Variants in RIMBP2 observed in about 807,000 individuals in gnomAD.
RIMBP2 encodes RIMS binding protein 2.
A neutral mutation model predicts 118.6 loss-of-function variants in RIMBP2; 48 were observed. That is an observed-to-expected ratio of 0.40 (90% confidence interval 0.32 to 0.51). The LOEUF (loss-of-function observed/expected upper bound fraction) is 0.51. Among genes scored for constraint, RIMBP2 ranks in the 20% least tolerant of loss-of-function variants. RIMBP2 has a pLI of 0.41. For synonymous variants in RIMBP2, 762 were observed against 742.9 expected, an observed-to-expected ratio of 1.03 and a Z score of -0.42; for missense variants, 1,551 against 1,768.3, an observed-to-expected ratio of 0.88 and a Z score of 2.20.
intron 2 of RIMBP2, among the ~76,000 whole-genome samples, chr12:130,539,088 T>A (rs554004539): frequency 6.6e-6 from 1 of 152,302 alleles, no homozygotes; most frequent in East Asian, 1.9e-4. Context: ...CCCTTTTAAA[T>A]AAAGTTTTAT....
chr12:130,692,248 C>T (rs1396813825), intron 1 of RIMBP2, among the ~76,000 whole-genome samples: 3 of 152,104 alleles, frequency 2.0e-5, no homozygotes, highest in Non-Finnish European at 2.9e-5. Flanking sequence ...TTCACCTGCA[C>T]GTGGGGGGCC....
Position 130,422,930 on chromosome 12 carries a change from GC to G in RIMBP2, c.3130-370del, listed in dbSNP as rs1029267397. ...CCTGAGTCCCTCTTAGTCTCCACAT[GC>G]CCCCCTCCCAGCTGTCACGAAAGTG... On this transcript the variant is annotated intron_variant, in intron 16 of 22. Coordinates refer to ENST00000690449, the MANE Select transcript of RIMBP2 (RefSeq NM_001393629.1). The surrounding 1 kb of genome is among the most constrained non-coding windows in gnomAD (Gnocchi z 5.2). 9.9e-5 allele frequency among the ~76,000 whole-genome samples: 15 copies of G among 152,148 alleles called. No homozygotes were observed. Among genetic ancestry groups the G allele is most frequent in the African/African-American group, 2.9e-4 (12 of 41,422 alleles).
chr12:130,671,619 G>A (rs1323116666), intron 1 of RIMBP2, among the ~76,000 whole-genome samples: 2 of 152,150 alleles, frequency 1.3e-5, no homozygotes, highest in African/African-American at 4.8e-5. Context: ...ACTGTGGGCT[G>A]CCTCATCTGT....
chr12:130,649,599 G>C (rs966822765), intron 1 of RIMBP2, among the ~76,000 whole-genome samples: 1 of 152,186 alleles, frequency 6.6e-6, no homozygotes, highest in Non-Finnish European at 1.5e-5. Flanking sequence ...CTCTTCCTTG[G>C]AGAGACAGCG....
Position 130,628,364 on chromosome 12 carries a change from T to G in RIMBP2, c.-259A>C, listed in dbSNP as rs2140926270. 6.6e-6 allele frequency: 1 copy of G among 152,318 alleles called. No homozygotes were observed. The allele number at this position is 152,318 out of a possible 1,614,324, so 9.4% of individuals were successfully genotyped here. A position where few individuals can be genotyped will look rare whatever the true frequency, so the allele number is the denominator to read the frequency against. ...GAGTTCCTGGTCTCAGGAGAGGAAG[T>G]GGGAAATTTCCCCAGCGGTCTCCCA... On this transcript the variant is annotated 5_prime_UTR_variant, in exon 2 of 23. Transcript: ENST00000690449.
intron 12 of RIMBP2, 29 bp downstream of exon 12, chr12:130,438,336 C>CG: frequency 1.2e-6 from 1 of 844,142 alleles, no homozygotes; most frequent in African/African-American, 1.9e-5. Context: ...GCCTAACAAA[C>CG]CCTCCCCACC....
chr12:130,679,162 C>T (rs1417276915), intron 1 of RIMBP2, among the ~76,000 whole-genome samples: 6 of 152,152 alleles, frequency 3.9e-5, no homozygotes, highest in East Asian at 1.9e-4. Context: ...ATAAATTGTG[C>T]GTGCGGACTT....
At position 130,442,812 on chromosome 12, in the gene RIMBP2, G is replaced by C; in HGVS notation, c.692-152C>G. ...GCTGTTCCCAGGAGTCCATGCTGGGGCCAGCTCCACACCCACCATCTAAAG... is the reference window on the plus strand; with the variant it reads ...GCTGTTCCCAGGAGTCCATGCTGGGCCCAGCTCCACACCCACCATCTAAAG... On this transcript the variant is annotated intron_variant, in intron 10 of 22. Coordinates refer to ENST00000690449, the MANE Select transcript of RIMBP2 (RefSeq NM_001393629.1). This position sits in a 1 kb window ranked among gnomAD's most constrained non-coding sequence, Gnocchi z 6.9. The C allele has an allele frequency of 6.2e-6, 4 of 642,964 alleles. No individual in the cohort carries two copies. The highest frequency in any genetic ancestry group is 1.1e-5 in the Non-Finnish European group (4 of 374,676). 39.8% of individuals were successfully genotyped at this position (642,964 alleles called of 1,614,324 possible).
At chr12:130,451,049 G>A in intron 8 of RIMBP2, 146 bp downstream of exon 8, 1 of 928,978 alleles carries the variant, frequency 1.1e-6, no homozygotes, top group South Asian at 1.6e-5. Context: ...GTAGGGCAAG[G>A]GAATTAACAG....
At chr12:130,400,434 C>T (rs1316935506) in intron 21 of RIMBP2, among the ~76,000 whole-genome samples, 1 of 152,196 alleles carries the variant, frequency 6.6e-6, no homozygotes, top group Non-Finnish European at 1.5e-5. Context: ...TACTCATTTA[C>T]ATATCTATGC....
intron 2 of RIMBP2, among the ~76,000 whole-genome samples, chr12:130,601,238 C>A (rs187661264): frequency 1.3e-5 from 2 of 148,358 alleles, no homozygotes; most frequent in East Asian, 4.1e-4. Context: ...TCCAGGCCGC[C>A]GGAGCTCTCA....
At chr12:130,551,296 G>A (rs559163426) in intron 2 of RIMBP2, among the ~76,000 whole-genome samples, 38 of 152,112 alleles carry the variant, frequency 2.5e-4, no homozygotes, top group Non-Finnish European at 4.9e-4. Flanking sequence ...GCATCAGAGG[G>A]GCTTAAATGG....
chr12:130,686,956 G>T (rs1357277725), intron 1 of RIMBP2, among the ~76,000 whole-genome samples: 3 of 152,338 alleles, frequency 2.0e-5, no homozygotes, highest in Non-Finnish European at 2.9e-5. Context: ...CCTCGCGCTC[G>T]CTGGGAAGCA....
intron 1 of RIMBP2, among the ~76,000 whole-genome samples, chr12:130,640,765 CA>C (rs1288955926): frequency 6.6e-6 from 1 of 152,226 alleles, no homozygotes; most frequent in Non-Finnish European, 1.5e-5. Context: ...CACTGGGCTT[CA>C]CCTCTGCCCC....
intron 4 of RIMBP2, among the ~76,000 whole-genome samples, chr12:130,500,887 G>T (rs770432433): frequency 6.6e-6 from 1 of 152,060 alleles, no homozygotes; most frequent in African/African-American, 2.4e-5. Flanking sequence ...CAAGTGAGCC[G>T]CTTCTATCAC....
At chr12:130,640,591 A>T (rs1212042363) in intron 1 of RIMBP2, among the ~76,000 whole-genome samples, 1 of 152,258 alleles carries the variant, frequency 6.6e-6, no homozygotes, top group Non-Finnish European at 1.5e-5. Context: ...TGTTCACTGA[A>T]GCTTCGAAAG....
chr12:130,694,011 A>G (rs900672421), intron 1 of RIMBP2, among the ~76,000 whole-genome samples: 15 of 152,214 alleles, frequency 9.9e-5, no homozygotes, highest in Non-Finnish European at 1.0e-4. Context: ...AAGCTCTGGG[A>G]TTCCTGCATC....
At chr12:130,574,331 C>G (rs2057925002) in intron 2 of RIMBP2, among the ~76,000 whole-genome samples, 1 of 152,114 alleles carries the variant, frequency 6.6e-6, no homozygotes, top group African/African-American at 2.4e-5. Context: ...GGACACCACA[C>G]ACATGGCGAG....
At chr12:130,535,767 A>ATATG (rs1566218448) in intron 2 of RIMBP2, among the ~76,000 whole-genome samples, 16 of 63,190 alleles carry the variant, frequency 2.5e-4, no homozygotes, top group Non-Finnish European at 5.2e-4. Flanking sequence ...ATATATATAT[A>ATATG]TATATATATA....
Sources: gnomAD v4.1 joint callset for allele counts (sites outside exome capture counted in the v4.1 genomes callset) on GRCh38, gnomAD v4.1.1 for gene constraint, Gnocchi (gnomAD v3.1) non-coding constraint, MANE v1.5 for transcripts, NCBI Gene and HGNC (gene_info 2026-07-23, HGNC 2026-07-21) for gene names.